Variants in PSD3 observed in about 807,000 individuals in gnomAD.
PSD3 encodes pleckstrin and Sec7 domain containing 3, also known as PH and SEC7 domain-containing protein 3.
In PSD3, 49 loss-of-function variants were observed where a neutral mutation model predicts 105.5. The ratio of observed to expected loss-of-function variants is 0.46; its 90% CI spans 0.37 to 0.59. PSD3 has a LOEUF of 0.59. Among genes scored for constraint, PSD3 ranks in the 20% least tolerant of loss-of-function variants. The probability of loss-of-function intolerance (pLI) is 0.00; values close to 1 mark genes in which losing one functional copy is unlikely to be tolerated. For missense variants in PSD3, 1,561 were observed against 1,263.8 expected (o/e 1.24, Z -3.57); for synonymous variants, 557 against 457.8 (o/e 1.22, Z -2.77).
intron 8 of PSD3, chr8:18,774,973 C>T (rs781767002): frequency 3.1e-5 from 14 of 456,022 alleles, no homozygotes; most frequent in South Asian, 1.2e-4. Flanking sequence ...GAAAAGTGCC[C>T]ATTAATCAAC....
At chr8:19,062,442 G>A (rs1267977308) in intron 1 of PSD3, among the ~76,000 whole-genome samples, 1 of 152,160 alleles carries the variant, frequency 6.6e-6, no homozygotes, top group African/African-American at 2.4e-5. Context: ...GAAGAGTAGA[G>A]ACTTGTTCAA....
intron 10 of PSD3, among the ~76,000 whole-genome samples, chr8:18,649,151 C>T (rs1808281682): frequency 6.6e-6 from 1 of 152,150 alleles, no homozygotes; most frequent in Non-Finnish European, 1.5e-5. Flanking sequence ...CTCCAAACCC[C>T]AGAATGGTAG....
intron 1 of PSD3, among the ~76,000 whole-genome samples, chr8:19,045,421 G>A (rs990989402): frequency 6.6e-6 from 1 of 152,150 alleles, no homozygotes; most frequent in Non-Finnish European, 1.5e-5. Flanking sequence ...AAAGTGTTAA[G>A]GGAGGTGAGA....
intron 9 of PSD3, among the ~76,000 whole-genome samples, chr8:18,728,564 T>C (rs949704974): frequency 6.6e-6 from 1 of 151,864 alleles, no homozygotes; most frequent in Admixed American, 6.6e-5. Context: ...GGAAAAGTGT[T>C]TGGGAATTGA....
intron 1 of PSD3, among the ~76,000 whole-genome samples, chr8:19,047,709 G>A (rs1206904604): frequency 2.6e-5 from 4 of 152,142 alleles, no homozygotes; most frequent in Admixed American, 2.6e-4. Context: ...CAGTAGGGAT[G>A]TGTTGAATGA....
intron 12 of PSD3, among the ~76,000 whole-genome samples, chr8:18,588,267 C>T (rs894554804): frequency 4.6e-5 from 7 of 152,098 alleles, no homozygotes; most frequent in African/African-American, 1.7e-4. Context: ...AACTACAGAA[C>T]CAGGTAGAAA....
rs144674770 is a variant in PSD3 at position 18,772,257 on chromosome 8, T to C, written c.2083-6719A>G. On this transcript the variant is annotated intron_variant, in intron 8 of 15. Transcript: ENST00000327040. ...TATATATATACGTGCAGAAATGAGA[T>C]TGGTGTATCACATGATAGTTATATT... Among the ~76,000 whole-genome samples the C allele has an allele frequency of 4.7e-3, 720 of 152,244 alleles. 8 individuals are homozygous for C. The highest frequency in any genetic ancestry group is 0.017 in the African/African-American group (696 of 41,540).
chr8:18,537,686 T>C (rs1799917486), intron 15 of PSD3, among the ~76,000 whole-genome samples: 2 of 152,026 alleles, frequency 1.3e-5, no homozygotes, highest in South Asian at 2.1e-4. Flanking sequence ...CTCATTCTTT[T>C]TTTTTTTTGA....
At chr8:18,722,354 G>C (rs1349512867) in intron 9 of PSD3, among the ~76,000 whole-genome samples, 1 of 152,026 alleles carries the variant, frequency 6.6e-6, no homozygotes, top group Non-Finnish European at 1.5e-5. Flanking sequence ...TAGAATAAAA[G>C]AGTTAAATCA....
intron 11 of PSD3, among the ~76,000 whole-genome samples, chr8:18,615,322 T>G (rs936721074): frequency 6.6e-6 from 1 of 152,044 alleles, no homozygotes; most frequent in Non-Finnish European, 1.5e-5. Flanking sequence ...TTTAAATTAG[T>G]CAATCGGAAT....
intron 3 of PSD3, among the ~76,000 whole-genome samples, chr8:18,871,302 C>G (rs915906791): frequency 1.3e-5 from 2 of 152,074 alleles, no homozygotes; most frequent in Non-Finnish European, 2.9e-5. Context: ...ATGTTAGTTA[C>G]CTTGACGTTG....
intron 8 of PSD3, among the ~76,000 whole-genome samples, chr8:18,780,843 C>G (rs573713333): frequency 6.6e-6 from 1 of 152,124 alleles, no homozygotes; most frequent in Non-Finnish European, 1.5e-5. Context: ...CGTGAGCCAC[C>G]GCGCCTGGCC....
At chr8:18,639,142 C>G (rs1165140018) in intron 10 of PSD3, among the ~76,000 whole-genome samples, 1 of 152,202 alleles carries the variant, frequency 6.6e-6, no homozygotes, top group Non-Finnish European at 1.5e-5. Flanking sequence ...TTCCTTGCAT[C>G]CCAAGAGAGG....
chr8:18,863,131 A>G (rs967885816), intron 4 of PSD3, among the ~76,000 whole-genome samples: 3 of 152,198 alleles, frequency 2.0e-5, no homozygotes, highest in African/African-American at 7.2e-5. Context: ...ACCAAAAAAG[A>G]AGTTCCTGCC....
chr8:19,018,887 C>T (rs1311838612), intron 1 of PSD3, among the ~76,000 whole-genome samples: 1 of 152,168 alleles, frequency 6.6e-6, no homozygotes, highest in Non-Finnish European at 1.5e-5. Context: ...GCCTCCGCCT[C>T]CCGTGTTCAA....
chr8:18,548,448 C>T (rs1428118696), intron 15 of PSD3, among the ~76,000 whole-genome samples: 1 of 152,176 alleles, frequency 6.6e-6, no homozygotes, highest in East Asian at 1.9e-4. Flanking sequence ...TCTTTACTGT[C>T]TTTGGGTGAG....
At chr8:18,827,767 C>T (rs6586765) in intron 4 of PSD3, among the ~76,000 whole-genome samples, 101,494 of 151,060 alleles carry the variant, frequency 0.67, 34,750 homozygotes, top group African/African-American at 0.8. Context: ...AAAGTAAAAC[C>T]GGTTGAATTT....
intron 4 of PSD3, among the ~76,000 whole-genome samples, chr8:18,822,528 C>G (rs1316995732): frequency 1.3e-5 from 2 of 152,182 alleles, no homozygotes; most frequent in African/African-American, 2.4e-5. Flanking sequence ...CTTAAAATGG[C>G]AAAAGTCTGT....
chr8:18,913,085 AAACAC>A (rs1820349658), intron 2 of PSD3, among the ~76,000 whole-genome samples: 3 of 120,052 alleles, frequency 2.5e-5, no homozygotes, highest in African/African-American at 3.3e-5. Flanking sequence ...ACACACACAC[AAACAC>A]ACACACACAC....
Sources: allele counts gnomAD v4.1 joint callset (sites outside exome capture counted in the v4.1 genomes callset), GRCh38; gene constraint gnomAD v4.1.1; transcripts MANE v1.5; gene names NCBI Gene and HGNC (gene_info 2026-07-23, HGNC 2026-07-21).